The following PTPRD variants were observed in gnomAD, a reference collection of about 807,000 sequenced individuals.
PTPRD encodes the protein protein tyrosine phosphatase receptor type D, also known as receptor-type tyrosine-protein phosphatase delta.
A neutral mutation model predicts 214.5 loss-of-function variants in PTPRD; 34 were observed. The observed-to-expected ratio is 0.16, with a 90% CI of 0.12 to 0.21. PTPRD has a LOEUF of 0.21. Among genes scored for constraint, PTPRD ranks in the 10% least tolerant of loss-of-function variants. The pLI, the probability that PTPRD is intolerant of heterozygous loss-of-function variation, is 1.00. For missense variants in PTPRD, 2,545 were observed against 2,398.7 expected, an observed-to-expected ratio of 1.06 and a Z score of -1.27; for synonymous variants, 1,128 against 845.7, an observed-to-expected ratio of 1.33 and a Z score of -5.79.
intron 8 of PTPRD, among the ~76,000 whole-genome samples, chr9:9,484,171 T>C (rs903090837): frequency 1.3e-5 from 2 of 151,844 alleles, no homozygotes; most frequent in African/African-American, 4.8e-5. Flanking sequence ...ATTTTAAACA[T>C]TTAAAAGTTC....
chr9:10,431,445 G>T lies in PTPRD; in HGVS notation c.-599-90428C>A, dbSNP rs149824245. ...ACAAAATTGACAAGTGGGATCTAAT[G>T]AAACTAAAGAGCTTCTGCACAGCAG... is the stretch of plus-strand genomic sequence containing the variant. On this transcript the variant is annotated intron_variant, in intron 2 of 45. Coordinates refer to ENST00000381196, the MANE Select transcript of PTPRD (RefSeq NM_002839.4). 7.1e-3 allele frequency among the ~76,000 whole-genome samples: 1,081 copies of T among 152,102 alleles called. 7 individuals carry two copies. The highest frequency in any genetic ancestry group is 0.012 in the Non-Finnish European group (828 of 67,970).
At chr9:9,622,267 T>C (rs1390130582) in intron 7 of PTPRD, among the ~76,000 whole-genome samples, 1 of 152,174 alleles carries the variant, frequency 6.6e-6, no homozygotes, top group Non-Finnish European at 1.5e-5. Flanking sequence ...TAAATAGGGT[T>C]ATTTTCTGCT....
At chr9:9,957,007 T>A (rs1006224644) in intron 4 of PTPRD, among the ~76,000 whole-genome samples, 1 of 152,158 alleles carries the variant, frequency 6.6e-6, no homozygotes, top group African/African-American at 2.4e-5. Context: ...GAGAAACTAT[T>A]GGGCTCAAGT....
At chr9:9,818,401 A>G (rs1235022262) in intron 5 of PTPRD, among the ~76,000 whole-genome samples, 1 of 152,114 alleles carries the variant, frequency 6.6e-6, no homozygotes, top group East Asian at 1.9e-4. Context: ...TGTGACAAGT[A>G]AGGGAATACA....
intron 10 of PTPRD, among the ~76,000 whole-genome samples, chr9:9,165,798 C>A (rs532012441): frequency 2.4e-4 from 36 of 152,082 alleles, no homozygotes; most frequent in African/African-American, 8.7e-4. Flanking sequence ...TCTTTGAAGG[C>A]TAAACTTGAT....
chr9:9,780,693 A>G (rs1359324486), intron 5 of PTPRD, among the ~76,000 whole-genome samples: 1 of 152,244 alleles, frequency 6.6e-6, no homozygotes, highest in East Asian at 1.9e-4. Context: ...ATTTATCAGA[A>G]TGATTAGAAA....
chr9:9,763,575 A>T (rs1268019521), intron 6 of PTPRD, among the ~76,000 whole-genome samples: 6 of 152,156 alleles, frequency 3.9e-5, no homozygotes, highest in Non-Finnish European at 2.9e-5. Context: ...TCATGTTACA[A>T]ATAACAATAT....
intron 10 of PTPRD, among the ~76,000 whole-genome samples, chr9:9,076,407 G>A (rs116880854): frequency 1.3e-5 from 2 of 151,722 alleles, no homozygotes; most frequent in Admixed American, 6.6e-5. Flanking sequence ...TAGTGTAAGT[G>A]TTATTTTTGT....
At chr9:9,779,023 G>C (rs1042195200) in intron 5 of PTPRD, among the ~76,000 whole-genome samples, 1 of 111,914 alleles carries the variant, frequency 8.9e-6, no homozygotes, top group Non-Finnish European at 1.7e-5. Context: ...CAGTGAAACA[G>C]AATAGAAAAC....
rs544676382 is a variant in PTPRD, at chr9:8,713,604, G to A, written c.64+20176C>T. The A allele has an allele frequency of 2.6e-6, 4 of 1,529,928 alleles. No individual in the cohort carries two copies. In the South Asian group the frequency reaches 4.5e-5, roughly 17 times the overall value. The allele number at this position is 1,529,928 out of a possible 1,614,324, so 94.8% of individuals were successfully genotyped here. The stretch of plus-strand genomic sequence containing the variant: ...CCCACAACATGTACCGGGAATACCG[G>A]GACCTGACCACCGCGGGCGCTGTCA... On this transcript the variant is annotated intron_variant, in intron 12 of 45. Transcript: ENST00000381196.
chr9:8,692,079 A>T (rs1470103399), intron 12 of PTPRD, among the ~76,000 whole-genome samples: 2 of 152,178 alleles, frequency 1.3e-5, no homozygotes, highest in African/African-American at 2.4e-5. Flanking sequence ...CTTTTTGATC[A>T]TATTTCCTTC....
chr9:10,166,400 C>G (rs929883189), intron 3 of PTPRD, among the ~76,000 whole-genome samples: 6 of 151,622 alleles, frequency 4.0e-5, no homozygotes, highest in Non-Finnish European at 7.4e-5. Context: ...TTACTTAAAA[C>G]ATCATTTTCA....
chr9:8,616,145 C>T (rs1163482305), intron 14 of PTPRD, among the ~76,000 whole-genome samples: 2 of 152,094 alleles, frequency 1.3e-5, no homozygotes, highest in Admixed American at 1.3e-4. Flanking sequence ...ACTCTACCAC[C>T]AAACCTCATA....
chr9:9,435,377 A>G (rs1477331711), intron 8 of PTPRD, among the ~76,000 whole-genome samples: 1 of 134,768 alleles, frequency 7.4e-6, no homozygotes, highest in Non-Finnish European at 1.6e-5. Context: ...TTAAAAAATT[A>G]GCCAGGCATG....
chr9:9,823,500 G>T (rs376703151), intron 5 of PTPRD, among the ~76,000 whole-genome samples: 7 of 151,926 alleles, frequency 4.6e-5, no homozygotes, highest in African/African-American at 1.4e-4. Flanking sequence ...ATTTGGCTAG[G>T]GACAAATATC....
intron 2 of PTPRD, among the ~76,000 whole-genome samples, chr9:10,568,242 T>C (rs1188515927): frequency 1.3e-5 from 2 of 152,094 alleles, no homozygotes; most frequent in East Asian, 3.9e-4. Context: ...TTGTGATAGT[T>C]TGCCAAGAAT....
intron 12 of PTPRD, among the ~76,000 whole-genome samples, chr9:8,678,552 A>C (rs971642249): frequency 6.6e-6 from 1 of 152,200 alleles, no homozygotes; most frequent in African/African-American, 2.4e-5. Flanking sequence ...AGTCCTGCCA[A>C]AGTCAACAAT....
intron 10 of PTPRD, among the ~76,000 whole-genome samples, chr9:9,166,864 A>G (rs2099905290): frequency 6.6e-6 from 1 of 152,154 alleles, no homozygotes; most frequent in Admixed American, 6.5e-5. Flanking sequence ...GAGGTTTAAG[A>G]CTACCTATAG....
At chr9:8,646,852 G>A (rs1419400427) in intron 12 of PTPRD, among the ~76,000 whole-genome samples, 2 of 152,152 alleles carry the variant, frequency 1.3e-5, no homozygotes, top group African/African-American at 4.8e-5. Flanking sequence ...GCATACATGA[G>A]CTTGGTAAAG....
Sources: allele counts gnomAD v4.1 joint callset (sites outside exome capture counted in the v4.1 genomes callset), GRCh38; gene constraint gnomAD v4.1.1; transcripts MANE v1.5; gene names NCBI Gene and HGNC (gene_info 2026-07-23, HGNC 2026-07-21).